Variants in PCDHGA5 observed in about 807,000 individuals in gnomAD.
PCDHGA5 encodes protocadherin gamma subfamily A, 5, also known as protocadherin gamma-A5.
Under a neutral mutation model 56.7 loss-of-function variants are expected in PCDHGA5, and 36 were observed. The ratio of observed to expected loss-of-function variants is 0.64; its 90% CI spans 0.49 to 0.84. The LOEUF is 0.84. Ranked by LOEUF, PCDHGA5 falls within the 40% of genes least tolerant of loss-of-function variation. The pLI is 0.00. For synonymous variants in PCDHGA5, 563 were observed against 520.2 expected (o/e 1.08, Z -1.12); for missense variants, 1,305 against 1,201.5 (o/e 1.09, Z -1.27).
chr5:141,420,488 A>C, intron 1 of PCDHGA5: 1 of 534,916 alleles, frequency 1.9e-6, no homozygotes, highest in East Asian at 3.8e-5. Context: ...CTACATGGGT[A>C]ATCTCCGGTG....
chr5:141,455,255 C>T (rs1049752169), intron 1 of PCDHGA5, among the ~76,000 whole-genome samples: 16 of 152,146 alleles, frequency 1.1e-4, no homozygotes, highest in African/African-American at 3.9e-4. Flanking sequence ...AGTACAATCG[C>T]ATTTCTTCCC....
At chr5:141,402,067 A>G (rs2094221639) in intron 1 of PCDHGA5, among the ~76,000 whole-genome samples, 1 of 152,226 alleles carries the variant, frequency 6.6e-6, no homozygotes, top group Non-Finnish European at 1.5e-5. Flanking sequence ...TTAAAAAACT[A>G]AGCATTTTTG....
chr5:141,405,401 TC>T (rs1176566209), intron 1 of PCDHGA5: 1 of 1,591,534 alleles, frequency 6.3e-7, no homozygotes, highest in Non-Finnish European at 8.6e-7. Flanking sequence ...TTTCTTTCTT[TC>T]TTTTCTTTTT....
Position 141,485,181 on chromosome 5 carries a change from G to C in PCDHGA5, c.2422-9626G>C. 1 of 1,612,942 alleles carries C rather than the reference G, an allele frequency of 6.2e-7. No individual in the cohort carries two copies. Among genetic ancestry groups the C allele is most frequent in the East Asian group, 2.2e-5 (1 of 44,868 alleles). On this transcript the variant is annotated intron_variant, in intron 1 of 3. Transcript: ENST00000518069. This position sits in a 1 kb window ranked among gnomAD's most constrained non-coding sequence, Gnocchi z 5.7. ...AATTAGCGGGCGGCAGCAATGCTCC[G>C]CAAGGTGAGAAGCTGGACAGAAATC...
intron 1 of PCDHGA5, chr5:141,389,509 C>T: frequency 6.2e-7 from 1 of 1,613,118 alleles, no homozygotes; most frequent in Non-Finnish European, 8.5e-7. Flanking sequence ...GCGCTCAGCG[C>T]GAACGTGAGC....
In PCDHGA5 at chr5:141,491,419, G is replaced by A. The variant is rs1422517367; in HGVS notation, c.2422-3388G>A. On this transcript the variant is annotated intron_variant, in intron 1 of 3. Coordinates refer to ENST00000518069, the MANE Select transcript of PCDHGA5 (RefSeq NM_018918.3). This position sits in a 1 kb window ranked among gnomAD's most constrained non-coding sequence, Gnocchi z 6.9. ...GGGAAACGCAGACGGGGACGGGGGT[G>A]GAGGGCAGTGCTGCAGGCGCCAGGA... 1 of 1,614,124 alleles carries A rather than the reference G, an allele frequency of 6.2e-7. No individual in the cohort carries two copies.
intron 1 of PCDHGA5, chr5:141,423,556 G>A (rs926962652): frequency 2.5e-6 from 4 of 1,613,550 alleles, no homozygotes; most frequent in African/African-American, 2.7e-5. Flanking sequence ...GCCCAACTAT[G>A]GGGACACGCT....
intron 1 of PCDHGA5, chr5:141,409,419 CAGAT>C (rs1303289792): frequency 3.1e-6 from 5 of 1,614,028 alleles, no homozygotes; most frequent in Non-Finnish European, 3.4e-6. Context: ...AAACTGGTGA[CAGAT>C]GGAGCCCTGG....
intron 1 of PCDHGA5, chr5:141,383,991 A>G: frequency 6.2e-7 from 1 of 1,613,866 alleles, no homozygotes; most frequent in Non-Finnish European, 8.5e-7. Context: ...CTCTTGGGAC[A>G]GTCATTGCTC....
intron 1 of PCDHGA5, chr5:141,415,385 C>T (rs1388093443): frequency 3.7e-6 from 6 of 1,614,228 alleles, no homozygotes; most frequent in Non-Finnish European, 5.1e-6. Flanking sequence ...GGCGGCTTGA[C>T]AGGTGTGTCC....
intron 1 of PCDHGA5, among the ~76,000 whole-genome samples, chr5:141,400,828 A>G (rs2094080616): frequency 6.6e-6 from 1 of 152,184 alleles, no homozygotes. Context: ...TCGTTGTCTC[A>G]TTCTTTAACA....
chr5:141,418,224 T>C (rs756997971), intron 1 of PCDHGA5: 1 of 1,613,998 alleles, frequency 6.2e-7, no homozygotes, highest in Non-Finnish European at 8.5e-7. Flanking sequence ...GTCATTGTGG[T>C]GATTGAGGAT....
At chr5:141,506,934 G>A (rs187503673) in intron 3 of PCDHGA5, among the ~76,000 whole-genome samples, 54 of 152,232 alleles carry the variant, frequency 3.5e-4, no homozygotes, top group African/African-American at 1.3e-3. Flanking sequence ...AAACTTTAGG[G>A]GCCTCCTGTC....
chr5:141,438,807 G>A (rs956766683), intron 1 of PCDHGA5, among the ~76,000 whole-genome samples: 13 of 149,270 alleles, frequency 8.7e-5, no homozygotes, highest in African/African-American at 1.7e-4. Context: ...GATTACAGGC[G>A]CCTGTCACCA....
intron 1 of PCDHGA5, among the ~76,000 whole-genome samples, chr5:141,444,558 T>C (rs2098440789): frequency 6.6e-6 from 1 of 152,190 alleles, no homozygotes; most frequent in African/African-American, 2.4e-5. Context: ...AAGGCACTTA[T>C]TTGACACTTT....
rs1046764113 is a variant in PCDHGA5, at chr5:141,495,395, G to A, written c.2480+530G>A. Among the ~76,000 whole-genome samples the A allele has an allele frequency of 4.1e-4, 62 of 152,326 alleles. 1 individual carries two copies. The highest frequency in any genetic ancestry group is 1.4e-3 in the African/African-American group (57 of 41,576). On this transcript the variant is annotated intron_variant, in intron 2 of 3. Transcript: ENST00000518069. Reference sequence around the variant, plus strand: ...GAGGAAGGACTGGGCGGGGCATGGAGCAGGCCCCCTTCTCCGGCCCCTCCT... The same window carrying A: ...GAGGAAGGACTGGGCGGGGCATGGAACAGGCCCCCTTCTCCGGCCCCTCCT...
intron 1 of PCDHGA5, among the ~76,000 whole-genome samples, chr5:141,434,409 T>G (rs2097692930): frequency 6.6e-6 from 1 of 152,232 alleles, no homozygotes; most frequent in South Asian, 2.1e-4. Context: ...TCTGCAGCAC[T>G]GTGACATGTT....
At chr5:141,387,637 G>C in intron 1 of PCDHGA5, 1 of 603,262 alleles carries the variant, frequency 1.7e-6, no homozygotes, top group Non-Finnish European at 2.8e-6. Flanking sequence ...GGGCGCCGCT[G>C]TTGGCCAAAG....
chr5:141,443,216 C>T (rs758242896), intron 1 of PCDHGA5, among the ~76,000 whole-genome samples: 3 of 151,908 alleles, frequency 2.0e-5, no homozygotes, highest in South Asian at 2.1e-4. Context: ...TCTCGCCAGG[C>T]GCATCTATAA....
Sources: gnomAD v4.1 joint callset for allele counts (sites outside exome capture counted in the v4.1 genomes callset) on GRCh38, gnomAD v4.1.1 for gene constraint, Gnocchi (gnomAD v3.1) non-coding constraint, MANE v1.5 for transcripts, NCBI Gene and HGNC (gene_info 2026-07-23, HGNC 2026-07-21) for gene names.